WNT7A: variants seen among roughly 807,000 people sequenced by gnomAD.
WNT7A encodes the protein protein Wnt-7a.
In WNT7A, 16 loss-of-function variants were observed where a neutral mutation model predicts 28.2. The observed-to-expected ratio is 0.57, with a 90% CI of 0.38 to 0.86. The LOEUF (loss-of-function observed/expected upper bound fraction) is 0.86. WNT7A is among the 40% of genes least tolerant of loss of function. The pLI, the probability that WNT7A is intolerant of heterozygous loss-of-function variation, is 0.00. For synonymous variants in WNT7A, 190 were observed against 195.9 expected, an observed-to-expected ratio of 0.97 and a Z score of 0.25; for missense variants, 411 against 489.7, an observed-to-expected ratio of 0.84 and a Z score of 1.52.
intron 3 of WNT7A, 92 bp downstream of exon 3, chr3:13,854,440 T>C: frequency 6.3e-7 from 1 of 1,598,406 alleles, no homozygotes; most frequent in Admixed American, 1.7e-5. Flanking sequence ...GCCCTGTGGC[T>C]CCTCAACAGA....
chr3:13,871,957 C>T (rs1443375644), intron 2 of WNT7A, among the ~76,000 whole-genome samples: 1 of 152,124 alleles, frequency 6.6e-6, no homozygotes, highest in Non-Finnish European at 1.5e-5. Context: ...CACTCTACTC[C>T]AGCCACCCCA....
At chr3:13,870,430 G>A (rs1695012144) in intron 2 of WNT7A, among the ~76,000 whole-genome samples, 1 of 152,150 alleles carries the variant, frequency 6.6e-6, no homozygotes, top group South Asian at 2.1e-4. Context: ...CAGACGTCCA[G>A]CTTCTGAAAC....
At chr3:13,871,629 T>C (rs59258584) in intron 2 of WNT7A, among the ~76,000 whole-genome samples, 17,280 of 151,916 alleles carry the variant, frequency 0.11, 1,103 homozygotes, top group Middle Eastern at 0.19. Context: ...AGCTGGCCCT[T>C]AGTTTGTCAC....
intron 3 of WNT7A, among the ~76,000 whole-genome samples, chr3:13,820,207 T>A (rs558840898): frequency 6.6e-6 from 1 of 152,318 alleles, no homozygotes; most frequent in South Asian, 2.1e-4. Context: ...AGTTGCTGGT[T>A]CACCATGTGT....
intron 1 of WNT7A, 146 bp downstream of exon 1, chr3:13,879,600 G>A (rs991340504): frequency 5.9e-6 from 5 of 848,066 alleles, no homozygotes; most frequent in African/African-American, 1.7e-5. Flanking sequence ...GCCTTTGTGC[G>A]TCCACCGCTC....
chr3:13,852,831 C>T (rs1026066565), intron 3 of WNT7A, among the ~76,000 whole-genome samples: 25 of 152,120 alleles, frequency 1.6e-4, no homozygotes, highest in African/African-American at 5.6e-4. Context: ...CTGCATACAC[C>T]GGGGAGTCCA....
chr3:13,848,501 A>G (rs1457143757), intron 3 of WNT7A, among the ~76,000 whole-genome samples: 1 of 152,258 alleles, frequency 6.6e-6, no homozygotes, highest in Non-Finnish European at 1.5e-5. Context: ...TTAGCCATTC[A>G]GGAAATGCCA....
intron 3 of WNT7A, among the ~76,000 whole-genome samples, chr3:13,849,810 C>A (rs956672607): frequency 6.6e-5 from 10 of 152,230 alleles, no homozygotes; most frequent in East Asian, 3.9e-4. Context: ...AAGGAAAGAG[C>A]TTTGCAGACA....
intron 3 of WNT7A, among the ~76,000 whole-genome samples, chr3:13,829,752 G>C (rs1476405003): frequency 1.3e-5 from 2 of 152,196 alleles, no homozygotes; most frequent in East Asian, 3.9e-4. Flanking sequence ...GTTGGCTGAA[G>C]TTGTCCACAC....
intron 2 of WNT7A, 38 bp downstream of exon 2, chr3:13,874,909 C>T (rs1695081093): frequency 2.5e-6 from 4 of 1,605,346 alleles, no homozygotes; most frequent in African/African-American, 1.3e-5. Flanking sequence ...TCCCTAGAGC[C>T]GGTAAGACTC....
At chr3:13,832,170 C>T (rs1212403489) in intron 3 of WNT7A, among the ~76,000 whole-genome samples, 1 of 148,606 alleles carries the variant, frequency 6.7e-6, no homozygotes, top group Non-Finnish European at 1.5e-5. Context: ...CCTCCTCCTC[C>T]TCAAGATCCT....
chr3:13,821,568 G>C (rs1317453365), intron 3 of WNT7A, among the ~76,000 whole-genome samples: 1 of 152,220 alleles, frequency 6.6e-6, no homozygotes, highest in Non-Finnish European at 1.5e-5. Flanking sequence ...GTGCATTTCA[G>C]TGGAACACAA....
At chr3:13,878,623 G>T (rs1695151580) in intron 1 of WNT7A, among the ~76,000 whole-genome samples, 1 of 152,204 alleles carries the variant, frequency 6.6e-6, no homozygotes, top group Admixed American at 6.5e-5. Flanking sequence ...GACTGGGGAA[G>T]TGACGGGGTA....
At chr3:13,843,967 A>G (rs1177104670) in intron 3 of WNT7A, among the ~76,000 whole-genome samples, 2 of 152,152 alleles carry the variant, frequency 1.3e-5, no homozygotes, top group Non-Finnish European at 2.9e-5. Context: ...GCTGGTCTCA[A>G]ACTCCTGAAC....
At position 13,875,217 on chromosome 3, in the gene WNT7A, G is replaced by A. The variant is rs1401175647; in HGVS notation, c.72-44C>T. ...AGAGATGGAGCATTAGGCCAGCAAG[G>A]GGGCATGGCCTGGGAACCCTTCGTA... On this transcript the variant is annotated intron_variant, in intron 1 of 3. Transcript: ENST00000285018. 6 of 1,603,696 alleles carry A rather than the reference G, an allele frequency of 3.7e-6. No individual in the cohort carries two copies. In the African/African-American group the frequency reaches 6.7e-5, roughly 18 times the overall value.
intron 2 of WNT7A, among the ~76,000 whole-genome samples, chr3:13,869,649 T>TAAAA (rs150110135): frequency 7.0e-6 from 1 of 143,412 alleles, no homozygotes; most frequent in Non-Finnish European, 1.5e-5. Flanking sequence ...CACAGAAAAG[T>TAAAA]AGAAAGAAAG....
intron 1 of WNT7A, among the ~76,000 whole-genome samples, chr3:13,876,634 A>G (rs1695114887): frequency 1.3e-5 from 2 of 152,234 alleles, no homozygotes; most frequent in South Asian, 4.1e-4. Flanking sequence ...AGGAGGTGAC[A>G]TGGACCCATG....
chr3:13,830,107 C>T (rs981836017), intron 3 of WNT7A, among the ~76,000 whole-genome samples: 3 of 152,152 alleles, frequency 2.0e-5, no homozygotes, highest in Non-Finnish European at 4.4e-5. Flanking sequence ...CTCCCATCCA[C>T]ATTGCTGGTA....
At chr3:13,868,773 GA>G (rs1448771470) in intron 2 of WNT7A, among the ~76,000 whole-genome samples, 2 of 10,312 alleles carry the variant, frequency 1.9e-4, no homozygotes, top group Non-Finnish European at 4.5e-4. Context: ...GAAGGGAAGG[GA>G]AGGGAGGAAG....
Sources: gnomAD v4.1 joint callset for allele counts (sites outside exome capture counted in the v4.1 genomes callset) on GRCh38, gnomAD v4.1.1 for gene constraint, MANE v1.5 for transcripts, NCBI Gene and HGNC (gene_info 2026-07-23, HGNC 2026-07-21) for gene names.